The following AANAT variants were observed in gnomAD, a reference collection of about 807,000 sequenced individuals.
AANAT encodes the protein aralkylamine N-acetyltransferase.
A neutral mutation model predicts 15.6 loss-of-function variants in AANAT; 11 were observed. The ratio of observed to expected loss-of-function variants is 0.71; its 90% confidence interval spans 0.44 to 1.17. The LOEUF is 1.17. Among genes scored for constraint, AANAT ranks in the 50% most tolerant of loss-of-function variants. The probability of loss-of-function intolerance (pLI) is 0.00; values close to 1 mark genes in which losing one functional copy is unlikely to be tolerated. For missense variants in AANAT, 286 were observed against 296.3 expected, an observed-to-expected ratio of 0.97 and a Z score of 0.26; for synonymous variants, 139 against 131.5, an observed-to-expected ratio of 1.06 and a Z score of -0.39.
chr17:76,453,529 G>C (rs570451120), exon 1 of AANAT: 48 of 175,542 alleles, frequency 2.7e-4, no homozygotes, highest in African/African-American at 1.1e-3. Context: ...TGGCGTCCTA[G>C]CCTAGCCCCC....
In AANAT at chr17:76,468,694, T is replaced by G; in HGVS notation, c.-53T>G. ...CAGGTGCTGGGAGGCCCTCCTTGGCTTAGGAGGACACTTCCAAAGCTGGGG... is the reference window on the plus strand; with the variant it reads ...CAGGTGCTGGGAGGCCCTCCTTGGCGTAGGAGGACACTTCCAAAGCTGGGG... On this transcript the variant is annotated 5_prime_UTR_variant, in exon 2 of 4. Coordinates refer to ENST00000392492, the MANE Select transcript of AANAT (RefSeq NM_001088.3). 6.4e-7 allele frequency: 1 copy of G among 1,568,430 alleles called. No individual in the cohort carries two copies. The highest frequency in any genetic ancestry group is 8.6e-7 in the Non-Finnish European group (1 of 1,160,290).
rs2143982447 is a variant in AANAT, at chr17:76,469,205, T to C, written c.196T>C (p.Tyr66His). 1.2e-6 allele frequency: 2 copies of C among 1,614,178 alleles called. No individual in the cohort carries two copies. The highest frequency in any genetic ancestry group is 1.7e-6 in the Non-Finnish European group (2 of 1,180,038). ...FISVLGVCPL[Y>H]LDEIRHFLTL... The stretch of plus-strand genomic sequence containing the variant: ...CTCCGTCTTGGGCGTCTGCCCCCTG[T>C]ACCTGGATGAGATCCGGCACTTCCT... The change falls in exon 3 of 4, where the codon TAC becomes CAC. Residue 66 changes from tyrosine to histidine, a missense_variant. Physicochemically the swap from Tyr to His is moderately conservative, Grantham distance 83. Coordinates refer to ENST00000392492, the MANE Select transcript of AANAT (RefSeq NM_001088.3). This position sits in a 1 kb window ranked among gnomAD's most constrained non-coding sequence, Gnocchi z 5.2.
At chr17:76,454,874 C>A (rs2073325612) in intron 1 of AANAT, among the ~76,000 whole-genome samples, 1 of 152,156 alleles carries the variant, frequency 6.6e-6, no homozygotes, top group Non-Finnish European at 1.5e-5. Flanking sequence ...TGCCTGTAAT[C>A]CCAGCACTTT....
Position 76,469,365 on chromosome 17 carries a change from C to T in AANAT, c.318+38C>T. ...CTGCGACGCCCAGCTCCAGGGAGGC[C>T]TCTGAAGACAGAGGTCAGCCAGATG... On this transcript the variant is annotated intron_variant, in intron 3 of 3. Coordinates refer to ENST00000392492, the MANE Select transcript of AANAT (RefSeq NM_001088.3). The surrounding 1 kb of genome is among the most constrained non-coding windows in gnomAD (Gnocchi z 5.2). 1 of 1,611,006 alleles carries T rather than the reference C, an allele frequency of 6.2e-7. No individual in the cohort carries two copies. Among genetic ancestry groups the T allele is most frequent in the Non-Finnish European group, 8.5e-7 (1 of 1,178,766 alleles).
rs1299946093 is a variant in AANAT, at chr17:76,468,910, G to A, written c.163+1G>A. ...AGCGCCTTTGAGATCGAGCGTGAAG[G>A]TGAGTGGCCCCGCACAGGGTCAGAG... On this transcript the variant is annotated splice_donor_variant, in intron 2 of 3. Transcript: ENST00000392492. LOFTEE classifies it high-confidence loss of function. 6.2e-7 allele frequency: 1 copy of A among 1,612,798 alleles called. No individual in the cohort carries two copies. The highest frequency in any genetic ancestry group is 1.1e-5 in the South Asian group (1 of 91,042).
chr17:76,467,291 C>G (rs1450834706), upstream of AANAT, among the ~76,000 whole-genome samples: 1 of 152,168 alleles, frequency 6.6e-6, no homozygotes, highest in South Asian at 2.1e-4. Flanking sequence ...CCCCTCCCCC[C>G]ACATAAGAGG....
chr17:76,456,331 C>G (rs2073342701), intron 1 of AANAT, among the ~76,000 whole-genome samples: 1 of 31,596 alleles, frequency 3.2e-5, no homozygotes, highest in African/African-American at 7.8e-5. Context: ...AACTCCATCT[C>G]AGGAAAAAAA....
intron 1 of AANAT, among the ~76,000 whole-genome samples, chr17:76,454,699 T>G (rs1431153733): frequency 2.6e-5 from 4 of 151,978 alleles, no homozygotes; most frequent in Admixed American, 2.6e-4. Context: ...GGTGTGCACC[T>G]GTAGTCCCAG....
At chr17:76,460,130 ATTTTTTTTTTTTTT>A (rs556197358) in intron 2 of AANAT, among the ~76,000 whole-genome samples, 15 of 88,014 alleles carry the variant, frequency 1.7e-4, no homozygotes, top group East Asian at 4.4e-4. Flanking sequence ...ACTTCAGGAA[ATTTTTTTTTTTTTT>A]TTTTTTTTTT....
intron 1 of AANAT, among the ~76,000 whole-genome samples, chr17:76,456,636 C>T (rs1439360565): frequency 6.6e-6 from 1 of 152,184 alleles, no homozygotes. Context: ...TCCCTACTCC[C>T]TCTCCTGTAG....
intron 2 of AANAT, chr17:76,459,447 A>G (rs1464079329): frequency 1.3e-5 from 2 of 152,278 alleles, no homozygotes; most frequent in African/African-American, 4.8e-5. Context: ...AGTATCACTT[A>G]CCTGGGTACT....
intron 2 of AANAT, among the ~76,000 whole-genome samples, chr17:76,461,888 G>A (rs2073392161): frequency 6.6e-6 from 1 of 152,192 alleles, no homozygotes; most frequent in Non-Finnish European, 1.5e-5. Flanking sequence ...AAGGAACAGA[G>A]AGAAGTCAGC....
intron 1 of AANAT, among the ~76,000 whole-genome samples, chr17:76,456,012 CAA>C (rs1486370853): frequency 6.7e-6 from 1 of 150,068 alleles, no homozygotes; most frequent in African/African-American, 2.5e-5. Context: ...GACTGCGTCT[CAA>C]AAAAAGAGAG....
Position 76,470,081 on chromosome 17 carries a change from A to T in AANAT, c.*111A>T, listed in dbSNP as rs2073510034. ...TCCAGAGAGTGGAGAGAGCAGGGCT[A>T]AATAAAGAGGAGATAAGGTGGCTTC... On this transcript the variant is annotated 3_prime_UTR_variant, in exon 4 of 4. Coordinates refer to ENST00000392492, the MANE Select transcript of AANAT (RefSeq NM_001088.3). The T allele has an allele frequency of 1.3e-5, 16 of 1,210,154 alleles. No individual in the cohort carries two copies. Among genetic ancestry groups the T allele is most frequent in the Non-Finnish European group, 1.7e-5 (15 of 906,444 alleles). The allele number at this position is 1,210,154 out of a possible 1,614,324, so 75.0% of individuals were successfully genotyped here.
Position 76,470,106 on chromosome 17 carries a change from C to G in AANAT, c.*136C>G. On this transcript the variant is annotated 3_prime_UTR_variant, in exon 4 of 4. Coordinates refer to ENST00000392492, the MANE Select transcript of AANAT (RefSeq NM_001088.3). ...AAATAAAGAGGAGATAAGGTGGCTT[C>G]TCACGGCCTGAGCTGGAGTGGTGTG... The G allele has an allele frequency of 1.0e-6, 1 of 996,236 alleles. No individual in the cohort carries two copies. The highest frequency in any genetic ancestry group is 1.4e-6 in the Non-Finnish European group (1 of 721,706). The allele number at this position is 996,236 out of a possible 1,614,324, so 61.7% of individuals were successfully genotyped here. A position where few individuals can be genotyped will look rare whatever the true frequency, so the allele number is the denominator to read the frequency against.
Position 76,469,680 on chromosome 17 carries a change from C to G in AANAT, c.334C>G (p.His112Asp). 6.7e-7 allele frequency: 1 copy of G among 1,502,542 alleles called. No individual in the cohort carries two copies. The highest frequency in any genetic ancestry group is 8.9e-7 in the Non-Finnish European group (1 of 1,125,962). The allele number at this position is 1,502,542 out of a possible 1,614,324, so 93.1% of individuals were successfully genotyped here. The change falls in exon 4 of 4, where the codon CAC (histidine) becomes GAC (aspartate). Residue 112 changes from histidine (H) to aspartate (D), a missense_variant. Physicochemically the swap from His to Asp is moderately conservative, Grantham distance 81 (BLOSUM62 -1). Coordinates refer to ENST00000392492, the MANE Select transcript of AANAT (RefSeq NM_001088.3). This position sits in a 1 kb window ranked among gnomAD's most constrained non-coding sequence, Gnocchi z 5.2. Reference protein sequence around the residue: ...ERLMQESLTLHRSGGHIAHLH... With the variant: ...ERLMQESLTLDRSGGHIAHLH... ...TCGCTCCCAGGAGTCACTGACGCTGCACAGGTCTGGGGGCCACATAGCCCA... is the reference window on the plus strand; with the variant it reads ...TCGCTCCCAGGAGTCACTGACGCTGGACAGGTCTGGGGGCCACATAGCCCA...
chr17:76,465,093 G>A (rs544066286), upstream of AANAT, among the ~76,000 whole-genome samples: 18 of 151,892 alleles, frequency 1.2e-4, no homozygotes, highest in South Asian at 2.3e-3. Context: ...CACCGTGCCC[G>A]GCCTTGCCCA....
intron 1 of AANAT, among the ~76,000 whole-genome samples, chr17:76,455,602 A>G (rs935805749): frequency 2.7e-5 from 4 of 148,996 alleles, no homozygotes; most frequent in Admixed American, 6.8e-5. Context: ...ACATTTTTCT[A>G]CACGATCATC....
chr17:76,468,646 C>T (rs756585626), intron 1 of AANAT, 26 bp from the exon 2 acceptor site: 12 of 1,526,346 alleles, frequency 7.9e-6, no homozygotes, highest in Non-Finnish European at 7.9e-6. Context: ...AGGATGAGAC[C>T]CCTGTCCCTT....
Sources: gnomAD v4.1 joint callset for allele counts (sites outside exome capture counted in the v4.1 genomes callset) on GRCh38, gnomAD v4.1.1 for gene constraint, Gnocchi (gnomAD v3.1) non-coding constraint, MANE v1.5 for transcripts, NCBI Gene and HGNC (gene_info 2026-07-23, HGNC 2026-07-21) for gene names.